Variants in SYNE3 observed in about 807,000 individuals in gnomAD.
SYNE3 encodes spectrin repeat containing nuclear envelope family member 3.
Under a neutral mutation model 111.2 loss-of-function variants are expected in SYNE3, and 100 were observed. That is an observed-to-expected ratio of 0.90 (90% CI 0.77 to 1.06). The LOEUF is 1.06. Among genes scored for constraint, SYNE3 ranks in the 50% least tolerant of loss-of-function variants. SYNE3 has a pLI of 0.00. For missense variants in SYNE3, 1,160 were observed against 1,240.3 expected (o/e 0.94, Z 0.97); for synonymous variants, 547 against 533.9 (o/e 1.02, Z -0.34).
chr14:95,483,321 C>T lies in SYNE3; in HGVS notation c.-14-7486G>A, dbSNP rs4905332. 9.1e-3 allele frequency among the ~76,000 whole-genome samples: 1,391 copies of T among 152,316 alleles called. 15 individuals are homozygous for T. The highest frequency in any genetic ancestry group is 0.035 in the East Asian group (182 of 5,178). On this transcript the variant is annotated intron_variant, in intron 1 of 17. Transcript: ENST00000682763. ...TGTCAAGCTGGCCGGGGCCGCCCAC[C>T]ACAAGCTGACCCAGAGTTCTGGCAT... is the stretch of plus-strand genomic sequence containing the variant.
At chr14:95,460,197 A>C (rs1420995848) in intron 4 of SYNE3, among the ~76,000 whole-genome samples, 2 of 152,040 alleles carry the variant, frequency 1.3e-5, no homozygotes, top group Non-Finnish European at 2.9e-5. Flanking sequence ...TCTTATTTAG[A>C]AACCTAGTTT....
At chr14:95,509,313 G>A (rs1171173788) in intron 1 of SYNE3, among the ~76,000 whole-genome samples, 1 of 152,144 alleles carries the variant, frequency 6.6e-6, no homozygotes, top group African/African-American at 2.4e-5. Context: ...GATGAGCTAG[G>A]GGCTTTATGG....
intron 2 of SYNE3, among the ~76,000 whole-genome samples, chr14:95,472,066 C>G (rs974091076): frequency 6.6e-6 from 1 of 152,152 alleles, no homozygotes; most frequent in Non-Finnish European, 1.5e-5. Flanking sequence ...AGTATGAGAG[C>G]TCAGGGAGGG....
At chr14:95,477,118 C>G (rs767724032) in intron 1 of SYNE3, among the ~76,000 whole-genome samples, 1 of 152,304 alleles carries the variant, frequency 6.6e-6, no homozygotes, top group Admixed American at 6.5e-5. Flanking sequence ...AGGCTGGGGC[C>G]GGGCATGGTG....
Position 95,455,664 on chromosome 14 carries a change from C to T in SYNE3, c.850G>A (p.Ala284Thr). 1.2e-6 allele frequency: 2 copies of T among 1,614,236 alleles called. No individual in the cohort carries two copies. Among genetic ancestry groups the T allele is most frequent in the Non-Finnish European group, 1.7e-6 (2 of 1,180,052 alleles). The change falls in exon 6 of 18, where the codon GCG becomes ACG. Residue 284 changes from alanine to threonine, a missense_variant. Transcript: ENST00000682763. ...GGAGAGGTGTTCCGAATGACACCCG[C>T]AGACTGCTCCTCCAGCGTCTCCAGA... ...ESLETLEEQSAGVIRNTSPLG... is the reference protein window; with the variant it reads ...ESLETLEEQSTGVIRNTSPLG...
chr14:95,446,226 C>T, intron 8 of SYNE3, 135 bp from the exon 9 acceptor site: 1 of 1,060,786 alleles, frequency 9.4e-7, no homozygotes, highest in Non-Finnish European at 1.4e-6. Context: ...AAGCAGCAAA[C>T]TCAAGTAGAA....
At position 95,443,142 on chromosome 14, in the gene SYNE3, G is replaced by A. The variant is rs1336547941; in HGVS notation, c.1911+13C>T. ...TCTCTGTCAAAGCACAGGCCCTTCT[G>A]CCAGCCCCTTACCTCCAGAGACCTC... On this transcript the variant is annotated intron_variant, in intron 11 of 17. Coordinates refer to ENST00000682763, the MANE Select transcript of SYNE3 (RefSeq NM_152592.6). The A allele has an allele frequency of 1.2e-6, 2 of 1,613,474 alleles. No homozygotes were observed. The highest frequency in any genetic ancestry group is 1.3e-5 in the African/African-American group (1 of 74,924).
chr14:95,471,625 G>A (rs1350045119), intron 2 of SYNE3, among the ~76,000 whole-genome samples: 8 of 152,360 alleles, frequency 5.3e-5, no homozygotes, highest in East Asian at 1.9e-4. Context: ...TGGAAAAGCC[G>A]AATTTTGAGA....
At chr14:95,428,772 G>T (rs1194744437) in intron 17 of SYNE3, among the ~76,000 whole-genome samples, 1 of 152,224 alleles carries the variant, frequency 6.6e-6, no homozygotes, top group Non-Finnish European at 1.5e-5. Flanking sequence ...GCAGTGAGTT[G>T]GCAAGTGCCT....
intron 4 of SYNE3, among the ~76,000 whole-genome samples, chr14:95,457,940 T>A (rs1566667322): frequency 6.6e-6 from 1 of 152,128 alleles, no homozygotes; most frequent in Non-Finnish European, 1.5e-5. Flanking sequence ...GTCCACAGGG[T>A]ATGCAAATCA....
At position 95,467,519 on chromosome 14, in the gene SYNE3, C is replaced by G. The variant is rs79063257; in HGVS notation, c.317+276G>C. On this transcript the variant is annotated intron_variant, in intron 3 of 17. Transcript: ENST00000682763. ...TAGCAGGGCCCCAGGCCTTCTTTCTCCAGAGCCATTGTGCCATGCTCTGGA... is the reference window on the plus strand; with the variant it reads ...TAGCAGGGCCCCAGGCCTTCTTTCTGCAGAGCCATTGTGCCATGCTCTGGA... 1.4e-3 allele frequency among the ~76,000 whole-genome samples: 217 copies of G among 152,334 alleles called. 3 individuals are homozygous for G. The South Asian group carries it at 0.023, about 16-fold the overall frequency.
chr14:95,425,012 G>A (rs1041515186), intron 17 of SYNE3, among the ~76,000 whole-genome samples: 1 of 152,178 alleles, frequency 6.6e-6, no homozygotes. Context: ...GGCCAAGGCA[G>A]GTGGATCACT....
Position 95,423,100 on chromosome 14 carries a change from C to T in SYNE3, c.2728-5074G>A, listed in dbSNP as rs947409004. ...CAGTGGCTGGGCAGGGGGCTGGGTT[C>T]GTCTTGCCTCCTCACTGGGGTGGCT... On this transcript the variant is annotated intron_variant, in intron 17 of 17. Transcript: ENST00000682763. Among the ~76,000 whole-genome samples the T allele has an allele frequency of 3.9e-5, 6 of 152,208 alleles. No individual in the cohort carries two copies. In the East Asian group the frequency reaches 9.6e-4, roughly 24 times the overall value.
intron 4 of SYNE3, among the ~76,000 whole-genome samples, chr14:95,463,959 C>G (rs1457051274): frequency 6.6e-6 from 1 of 152,198 alleles, no homozygotes; most frequent in Non-Finnish European, 1.5e-5. Context: ...CCATACAGCC[C>G]CCACAACCTG....
chr14:95,431,806 G>A (rs1834309525), intron 17 of SYNE3, among the ~76,000 whole-genome samples: 1 of 152,204 alleles, frequency 6.6e-6, no homozygotes, highest in Admixed American at 6.5e-5. Context: ...CCTGATTTAG[G>A]AGGGTGAACT....
At chr14:95,501,717 AAGGGCATG>A (rs1890342808) in intron 1 of SYNE3, among the ~76,000 whole-genome samples, 1 of 139,602 alleles carries the variant, frequency 7.2e-6, no homozygotes, top group African/African-American at 3.4e-5. Context: ...CACAGGAGGG[AAGGGCATG>A]GGGGGAAGCA....
chr14:95,437,026 C>T, intron 14 of SYNE3, 45 bp from the exon 15 acceptor site: 1 of 1,612,064 alleles, frequency 6.2e-7, no homozygotes, highest in Non-Finnish European at 8.5e-7. Flanking sequence ...GAAAGAGCCC[C>T]CCTGGCCATG....
In SYNE3 at chr14:95,446,077, T is replaced by A. The variant is rs147345417; in HGVS notation, c.1464A>T (p.Glu488Asp). 9.5e-5 allele frequency: 154 copies of A among 1,613,942 alleles called. No homozygotes were observed. The African/African-American group carries it at 1.8e-3, about 19-fold the overall frequency. ...TCAGCAGCTCTTTCAGGCGGGAGCT[T>A]TCCATCAGGGCTGCCTGTGGGAGAC... The part of the protein sequence containing the change: ...FLPQIEAALM[E>D]SSRLKELLTM... The change falls in exon 9 of 18, where the codon GAA becomes GAT. Residue 488 changes from glutamate (E) to aspartate (D), a missense_variant. By Grantham distance (45) the Glu-to-Asp change is conservative. Coordinates refer to ENST00000682763, the MANE Select transcript of SYNE3 (RefSeq NM_152592.6).
At chr14:95,488,630 T>G (rs1209074610) in intron 1 of SYNE3, among the ~76,000 whole-genome samples, 1 of 129,582 alleles carries the variant, frequency 7.7e-6, no homozygotes, top group East Asian at 2.3e-4. Context: ...GAGTTTGAGA[T>G]GAGCCTGGGC....
Sources: allele counts gnomAD v4.1 joint callset (sites outside exome capture counted in the v4.1 genomes callset), GRCh38; gene constraint gnomAD v4.1.1; transcripts MANE v1.5; gene names NCBI Gene and HGNC (gene_info 2026-07-23, HGNC 2026-07-21).